Variants in FOXO1 observed in about 807,000 individuals in gnomAD.
FOXO1 encodes forkhead box O1, also known as forkhead box protein O1.
In FOXO1, 6 loss-of-function variants were observed where a neutral mutation model predicts 44.1. That is an observed-to-expected ratio of 0.14 (90% CI 0.07 to 0.27). The LOEUF is 0.27. Ranked by LOEUF, FOXO1 falls within the 10% of genes least tolerant of loss-of-function variation. The pLI, the probability that FOXO1 is intolerant of heterozygous loss-of-function variation, is 1.00. For missense variants in FOXO1, 737 were observed against 888.8 expected (o/e 0.83, Z 2.17); for synonymous variants, 380 against 362.7 (o/e 1.05, Z -0.54).
At chr13:40,618,706 G>A (rs116240821) in intron 1 of FOXO1, 404 of 419,908 alleles carry the variant, frequency 9.6e-4, no homozygotes, top group African/African-American at 7.6e-3. Flanking sequence ...AAAGCATATT[G>A]AAAGGAAAAT....
chr13:40,613,948 G>GA (rs1346017556), intron 1 of FOXO1, among the ~76,000 whole-genome samples: 19 of 152,184 alleles, frequency 1.2e-4, no homozygotes, highest in Non-Finnish European at 2.6e-4. Context: ...TCCTTAAAAA[G>GA]AAAAAATAAA....
chr13:40,575,287 G>C (rs1874702154), intron 1 of FOXO1, among the ~76,000 whole-genome samples: 2 of 152,148 alleles, frequency 1.3e-5, no homozygotes, highest in Non-Finnish European at 2.9e-5. Flanking sequence ...CCTGGAATGA[G>C]CCAAGTTCAC....
Position 40,664,287 on chromosome 13 carries a change from G to A in FOXO1, c.630+1296C>T, listed in dbSNP as rs115992163. On this transcript the variant is annotated intron_variant, in intron 1 of 2. Transcript: ENST00000379561. ...ACTCCGTCTCGGAGGAGGGGAGGGA[G>A]GTGTTTAGCTCAACTAGACAGCCTT... is the stretch of plus-strand genomic sequence containing the variant. Among the ~76,000 whole-genome samples, 998 of 152,276 alleles carry A rather than the reference G, an allele frequency of 6.6e-3. 12 individuals are homozygous for A. The highest frequency in any genetic ancestry group is 0.023 in the African/African-American group (947 of 41,558).
At chr13:40,591,857 C>G (rs574987463) in intron 1 of FOXO1, among the ~76,000 whole-genome samples, 1 of 152,040 alleles carries the variant, frequency 6.6e-6, no homozygotes, top group Non-Finnish European at 1.5e-5. Context: ...CAGCTGTGTG[C>G]CACCACGCCA....
intron 1 of FOXO1, among the ~76,000 whole-genome samples, chr13:40,623,938 A>AT (rs11459608): frequency 0.39 from 52,956 of 135,458 alleles, 11,234 homozygotes; most frequent in East Asian, 0.74. Flanking sequence ...AAAAAAAAAA[A>AT]TTTTTTTTTT....
At chr13:40,570,113 A>G (rs1382894988) in intron 1 of FOXO1, among the ~76,000 whole-genome samples, 1 of 151,948 alleles carries the variant, frequency 6.6e-6, no homozygotes, top group Non-Finnish European at 1.5e-5. Flanking sequence ...AGAGATGGAG[A>G]CCATCCTGGC....
Position 40,560,515 on chromosome 13 carries a change from C to A in FOXO1, c.976G>T (p.Gly326Trp). Residue 326 changes from glycine to tryptophan, a missense_variant, in exon 2 of 3, where the codon GGG (glycine) becomes TGG (tryptophan). Transcript: ENST00000379561. The surrounding 1 kb of genome is among the most constrained non-coding windows in gnomAD (Gnocchi z 5.1). ...TCGGTCATAATGGGTGAGAGTCTCC[C>A]ACTAATAGTACTAGCATTTGAGCTA... ...RTSSNASTIS[G>W]RLSPIMTEQD... 1.2e-6 allele frequency: 2 copies of A among 1,614,124 alleles called. No homozygotes were observed. Among genetic ancestry groups the A allele is most frequent in the Non-Finnish European group, 1.7e-6 (2 of 1,180,030 alleles).
chr13:40,662,923 T>C (rs918585694), intron 1 of FOXO1, among the ~76,000 whole-genome samples: 4 of 152,368 alleles, frequency 2.6e-5, no homozygotes, highest in African/African-American at 9.6e-5. Flanking sequence ...GAGTGAAACT[T>C]GGTTTTAACA....
At chr13:40,621,142 C>A in intron 1 of FOXO1, 1 of 414,858 alleles carries the variant, frequency 2.4e-6, no homozygotes, top group South Asian at 2.6e-5. Flanking sequence ...TCTTTCCACC[C>A]AGCGCTAGAG....
chr13:40,620,380 G>T, intron 1 of FOXO1: 1 of 691,864 alleles, frequency 1.4e-6, no homozygotes, highest in Non-Finnish European at 2.6e-6. Context: ...GAGCGGTCAC[G>T]TATTCAAACC....
At chr13:40,586,279 T>C (rs868320549) in intron 1 of FOXO1, among the ~76,000 whole-genome samples, 3 of 152,232 alleles carry the variant, frequency 2.0e-5, no homozygotes, top group African/African-American at 7.2e-5. Context: ...GTAAAATGGA[T>C]TTCTCACTAT....
At chr13:40,665,106 G>C (rs887521973) in intron 1 of FOXO1, among the ~76,000 whole-genome samples, 4 of 151,120 alleles carry the variant, frequency 2.6e-5, no homozygotes, top group Non-Finnish European at 5.9e-5. Context: ...CCGGTCCCGG[G>C]GCAGCGAGGC....
At chr13:40,613,304 C>T (rs1357685578) in intron 1 of FOXO1, among the ~76,000 whole-genome samples, 1 of 152,086 alleles carries the variant, frequency 6.6e-6, no homozygotes, top group Non-Finnish European at 1.5e-5. Flanking sequence ...CTCTCTCTTC[C>T]TGAGGCACAT....
chr13:40,617,431 G>A lies in FOXO1; in HGVS notation c.630+48152C>T, dbSNP rs1435187540. ...GCCTGGGCAACAAGAGCAAAACTCC[G>A]TCTCAAAAAAAAAAAAAAGAAAGGT... On this transcript the variant is annotated intron_variant, in intron 1 of 2. Coordinates refer to ENST00000379561, the MANE Select transcript of FOXO1 (RefSeq NM_002015.4). Among the ~76,000 whole-genome samples, 12 of 148,162 alleles carry A rather than the reference G, an allele frequency of 8.1e-5. No individual in the cohort carries two copies. In the South Asian group the frequency reaches 8.5e-4, roughly 10 times the overall value.
chr13:40,605,387 G>C (rs564161798), intron 1 of FOXO1, among the ~76,000 whole-genome samples: 2 of 152,232 alleles, frequency 1.3e-5, no homozygotes, highest in South Asian at 4.1e-4. Flanking sequence ...CACAGTTGGT[G>C]CTTAAAACTT....
intron 1 of FOXO1, among the ~76,000 whole-genome samples, chr13:40,576,747 T>C (rs1230238946): frequency 6.6e-6 from 1 of 152,240 alleles, no homozygotes; most frequent in African/African-American, 2.4e-5. Flanking sequence ...GATATTTTCA[T>C]AGCCAAAGGA....
At chr13:40,562,944 C>T (rs973102477) in intron 1 of FOXO1, among the ~76,000 whole-genome samples, 3 of 152,262 alleles carry the variant, frequency 2.0e-5, no homozygotes, top group African/African-American at 7.2e-5. Flanking sequence ...ACAGCCACTA[C>T]ACCTTGTTCA....
At chr13:40,559,451 G>A (rs1873888934) in intron 2 of FOXO1, 58 bp downstream of exon 2, 2 of 1,465,402 alleles carry the variant, frequency 1.4e-6, no homozygotes, top group African/African-American at 2.8e-5. Flanking sequence ...AAGTTACTGT[G>A]TTCCTCGCTT....
intron 1 of FOXO1, among the ~76,000 whole-genome samples, chr13:40,665,234 C>A (rs192622973): frequency 6.6e-6 from 1 of 152,064 alleles, no homozygotes; most frequent in Admixed American, 6.5e-5. Flanking sequence ...GCAGCCGAAG[C>A]AGTCGGCGCG....
Sources: gnomAD v4.1 joint callset for allele counts (sites outside exome capture counted in the v4.1 genomes callset) on GRCh38, gnomAD v4.1.1 for gene constraint, Gnocchi (gnomAD v3.1) non-coding constraint, MANE v1.5 for transcripts, NCBI Gene and HGNC (gene_info 2026-07-23, HGNC 2026-07-21) for gene names.